CSMD1: variants seen among roughly 807,000 people sequenced by gnomAD.
CSMD1 encodes the protein CUB and sushi domain-containing protein 1.
In CSMD1, 213 loss-of-function variants were observed where a neutral mutation model predicts 417.5. That is an observed-to-expected ratio of 0.51 (90% CI 0.46 to 0.57). The LOEUF is 0.57. CSMD1 is among the 20% of genes least tolerant of loss of function. CSMD1 has a pLI of 0.00. For synonymous variants in CSMD1, 2,862 were observed against 1,736.8 expected (o/e 1.65, Z -16.11); for missense variants, 6,923 against 4,529.7 (o/e 1.53, Z -15.17).
chr8:4,419,913 G>C (rs758716191), intron 3 of CSMD1, 40 bp downstream of exon 3: 3 of 1,270,808 alleles, frequency 2.4e-6, no homozygotes, highest in Non-Finnish European at 3.4e-6. Flanking sequence ...TAGATCATTT[G>C]GACAGTGAAT....
intron 3 of CSMD1, among the ~76,000 whole-genome samples, chr8:4,044,578 G>A (rs1233507020): frequency 6.6e-6 from 1 of 152,170 alleles, no homozygotes; most frequent in African/African-American, 2.4e-5. Context: ...TCGGTCACCG[G>A]AAGGATAATT....
intron 3 of CSMD1, among the ~76,000 whole-genome samples, chr8:4,065,384 T>C (rs1799190660): frequency 6.6e-6 from 1 of 152,240 alleles, no homozygotes; most frequent in East Asian, 1.9e-4. Flanking sequence ...TTTATGGTCC[T>C]ACAGTCTTAA....
chr8:3,512,318 T>C (rs1797109397), intron 10 of CSMD1, among the ~76,000 whole-genome samples: 1 of 152,214 alleles, frequency 6.6e-6, no homozygotes, highest in African/African-American at 2.4e-5. Context: ...AACTTATTTG[T>C]TCTATACCCA....
intron 3 of CSMD1, among the ~76,000 whole-genome samples, chr8:4,160,834 A>C (rs1289590322): frequency 6.6e-6 from 1 of 152,252 alleles, no homozygotes; most frequent in Non-Finnish European, 1.5e-5. Context: ...GAAGAAAAGG[A>C]ACTTGAAGTT....
intron 1 of CSMD1, among the ~76,000 whole-genome samples, chr8:4,747,260 G>C (rs1628943): frequency 0.18 from 27,827 of 152,132 alleles, 3,441 homozygotes; most frequent in African/African-American, 0.36. Context: ...TTTTTCATAA[G>C]TAGTATTGAA....
At chr8:4,295,779 TATATATATAC>T (rs202101170) in intron 3 of CSMD1, among the ~76,000 whole-genome samples, 16,513 of 51,982 alleles carry the variant, frequency 0.32, 1,766 homozygotes, top group East Asian at 0.65. Context: ...TATATATATA[TATATATATAC>T]ACACACACAT....
At chr8:3,292,350 G>C (rs1193267316) in intron 25 of CSMD1, among the ~76,000 whole-genome samples, 2 of 152,058 alleles carry the variant, frequency 1.3e-5, no homozygotes, top group East Asian at 1.9e-4. Flanking sequence ...GGTCCGCTTG[G>C]TGCAGAGCTG....
intron 1 of CSMD1, among the ~76,000 whole-genome samples, chr8:4,847,566 C>A (rs1396534216): frequency 2.0e-5 from 3 of 152,050 alleles, no homozygotes; most frequent in Non-Finnish European, 2.9e-5. Flanking sequence ...ATTAAAGAGT[C>A]CATACTCTAT....
At chr8:4,831,579 T>C (rs1322399443) in intron 1 of CSMD1, among the ~76,000 whole-genome samples, 1 of 152,132 alleles carries the variant, frequency 6.6e-6, no homozygotes, top group Non-Finnish European at 1.5e-5. Context: ...TTACAAAATG[T>C]CATGCCAAGG....
chr8:3,476,476 G>C (rs1201420774), intron 11 of CSMD1, among the ~76,000 whole-genome samples: 2 of 152,126 alleles, frequency 1.3e-5, no homozygotes, highest in African/African-American at 4.8e-5. Flanking sequence ...TGGGCCATAT[G>C]ATTGATGTAT....
At chr8:4,553,638 TG>T (rs1563281014) in intron 2 of CSMD1, among the ~76,000 whole-genome samples, 1 of 152,182 alleles carries the variant, frequency 6.6e-6, no homozygotes, top group Non-Finnish European at 1.5e-5. Flanking sequence ...CAATATAGCA[TG>T]AAAAGCATCA....
At chr8:3,726,975 A>G (rs1802534762) in intron 6 of CSMD1, among the ~76,000 whole-genome samples, 2 of 152,222 alleles carry the variant, frequency 1.3e-5, no homozygotes. Flanking sequence ...ATGAATATAC[A>G]TACCACCAGT....
chr8:3,436,579 T>C lies in CSMD1; in HGVS notation c.1562-26974A>G, dbSNP rs187900162. Among the ~76,000 whole-genome samples, 101 of 152,322 alleles carry C rather than the reference T, an allele frequency of 6.6e-4. 1 individual carries two copies. The highest frequency in any genetic ancestry group is 3.4e-4 in the Non-Finnish European group (23 of 68,014). ...TTTCTTTTCTACCTTCTATATCTTATAAATCTTACGTATGTTTTATTATTG... is the reference window on the plus strand; with the variant it reads ...TTTCTTTTCTACCTTCTATATCTTACAAATCTTACGTATGTTTTATTATTG... On this transcript the variant is annotated intron_variant, in intron 12 of 69. Transcript: ENST00000635120.
At chr8:3,466,501 C>G (rs560667451) in intron 12 of CSMD1, among the ~76,000 whole-genome samples, 1 of 151,944 alleles carries the variant, frequency 6.6e-6, no homozygotes, top group Admixed American at 6.6e-5. Flanking sequence ...GCTCCACTAC[C>G]CGGGTTCAAG....
At chr8:4,870,013 T>C (rs796757344) in intron 1 of CSMD1, among the ~76,000 whole-genome samples, 1 of 152,112 alleles carries the variant, frequency 6.6e-6, no homozygotes, top group Non-Finnish European at 1.5e-5. Flanking sequence ...TGTCCGTTTT[T>C]ATGGACAACC....
chr8:3,377,423 C>A (rs574747196), intron 18 of CSMD1, among the ~76,000 whole-genome samples: 6 of 152,298 alleles, frequency 3.9e-5, no homozygotes, highest in East Asian at 1.9e-4. Context: ...AATTTACATA[C>A]ATTTATATCG....
rs1370050438 is a variant in CSMD1 at position 4,830,274 on chromosome 8, G to T, written c.85+164058C>A. On this transcript the variant is annotated intron_variant, in intron 1 of 69. Coordinates refer to ENST00000635120, the MANE Select transcript of CSMD1 (RefSeq NM_033225.6). ...CCCAAATGAATTCAAGCTTGGTAAA[G>T]AAAGGAACCATGAGGTTTCTATTTC... is the stretch of plus-strand genomic sequence containing the variant. Among the ~76,000 whole-genome samples, 3 of 152,282 alleles carry T rather than the reference G, an allele frequency of 2.0e-5. No individual in the cohort carries two copies. The East Asian group carries it at 5.8e-4, about 29-fold the overall frequency.
intron 5 of CSMD1, among the ~76,000 whole-genome samples, chr8:3,898,213 T>A (rs1807495946): frequency 6.6e-6 from 1 of 151,950 alleles, no homozygotes; most frequent in Admixed American, 6.6e-5. Context: ...TATGGAAAAT[T>A]CCCCTACATA....
chr8:4,102,349 G>T (rs1801347602), intron 3 of CSMD1, among the ~76,000 whole-genome samples: 1 of 151,898 alleles, frequency 6.6e-6, no homozygotes, highest in African/African-American at 2.4e-5. Context: ...TTTTTGCTTT[G>T]TTTTTCCTTG....
Sources: gnomAD v4.1 joint callset for allele counts (sites outside exome capture counted in the v4.1 genomes callset) on GRCh38, gnomAD v4.1.1 for gene constraint, MANE v1.5 for transcripts, NCBI Gene and HGNC (gene_info 2026-07-23, HGNC 2026-07-21) for gene names.